CDK5RAP2: variants seen among roughly 807,000 people sequenced by gnomAD.
CDK5RAP2 encodes the protein CDK5 regulatory subunit associated protein 2.
In CDK5RAP2, 147 loss-of-function variants were observed where a neutral mutation model predicts 232.9. The observed-to-expected ratio is 0.63, with a 90% CI of 0.55 to 0.72. The LOEUF (loss-of-function observed/expected upper bound fraction) is 0.72. Among genes scored for constraint, CDK5RAP2 ranks in the 30% least tolerant of loss-of-function variants. CDK5RAP2 has a pLI of 0.00. For missense variants in CDK5RAP2, 2,195 were observed against 2,231.5 expected (o/e 0.98, Z 0.33); for synonymous variants, 833 against 833.7 (o/e 1.00, Z 0.01).
chr9:120,571,395 GCATT>G (rs967267309), intron 2 of CDK5RAP2, among the ~76,000 whole-genome samples: 91 of 152,314 alleles, frequency 6.0e-4, no homozygotes, highest in African/African-American at 1.9e-3. Context: ...AGACGCTTAA[GCATT>G]CACTTTTTTC....
chr9:120,502,440 T>C (rs572673300), intron 12 of CDK5RAP2, among the ~76,000 whole-genome samples: 1 of 152,224 alleles, frequency 6.6e-6, no homozygotes, highest in Non-Finnish European at 1.5e-5. Flanking sequence ...CTGGTTCAAG[T>C]TCCAGTGTAT....
chr9:120,566,311 C>A (rs772821868), intron 3 of CDK5RAP2, among the ~76,000 whole-genome samples: 3 of 152,150 alleles, frequency 2.0e-5, no homozygotes, highest in Non-Finnish European at 4.4e-5. Context: ...CATTTCAATT[C>A]CGGCTGCAGA....
At chr9:120,449,016 A>G (rs1489943360) in intron 21 of CDK5RAP2, among the ~76,000 whole-genome samples, 1 of 152,196 alleles carries the variant, frequency 6.6e-6, no homozygotes, top group Admixed American at 6.5e-5. Context: ...TCTTCTGCCT[A>G]AAACTATTTT....
chr9:120,532,591 G>C (rs1195240108), intron 7 of CDK5RAP2: 1 of 152,504 alleles, frequency 6.6e-6, no homozygotes, highest in Non-Finnish European at 1.5e-5. Flanking sequence ...TTCCTAGGCA[G>C]GCCTGCCTTC....
intron 24 of CDK5RAP2, among the ~76,000 whole-genome samples, chr9:120,437,906 T>C (rs2035679272): frequency 6.6e-6 from 1 of 152,134 alleles, no homozygotes; most frequent in African/African-American, 2.4e-5. Context: ...AAAGAAAGTG[T>C]ACCACAAAGA....
intron 14 of CDK5RAP2, among the ~76,000 whole-genome samples, chr9:120,487,076 T>C (rs1168790421): frequency 6.6e-6 from 1 of 152,212 alleles, no homozygotes; most frequent in Non-Finnish European, 1.5e-5. Context: ...TAACAAGCTA[T>C]GCTTTCTCAG....
intron 36 of CDK5RAP2, among the ~76,000 whole-genome samples, chr9:120,391,667 T>A (rs192542218): frequency 6.6e-6 from 1 of 152,306 alleles, no homozygotes. Flanking sequence ...AGGGTCCCAC[T>A]GGGATGCCTT....
chr9:120,516,065 A>G (rs1310995963), intron 12 of CDK5RAP2, among the ~76,000 whole-genome samples: 1 of 152,162 alleles, frequency 6.6e-6, no homozygotes, highest in Non-Finnish European at 1.5e-5. Context: ...ACACATGCAC[A>G]CGTATGTTTA....
intron 1 of CDK5RAP2, among the ~76,000 whole-genome samples, chr9:120,576,972 T>G (rs1279166754): frequency 6.6e-6 from 1 of 152,098 alleles, no homozygotes; most frequent in Non-Finnish European, 1.5e-5. Context: ...ACAACACGCA[T>G]GAACCTTGAG....
At chr9:120,530,477 G>A (rs1488649776) in intron 7 of CDK5RAP2, among the ~76,000 whole-genome samples, 3 of 152,164 alleles carry the variant, frequency 2.0e-5, no homozygotes, top group African/African-American at 7.2e-5. Flanking sequence ...CAAAAGATAT[G>A]TCACTGAAAC....
At chr9:120,533,929 T>C (rs570847279) in intron 7 of CDK5RAP2, among the ~76,000 whole-genome samples, 32 of 151,968 alleles carry the variant, frequency 2.1e-4, no homozygotes, top group African/African-American at 7.5e-4. Flanking sequence ...TCTAGCCTGT[T>C]CTCCTCCATT....
At chr9:120,471,064 A>C (rs558933468) in intron 16 of CDK5RAP2, among the ~76,000 whole-genome samples, 65 of 152,268 alleles carry the variant, frequency 4.3e-4, no homozygotes, top group African/African-American at 1.5e-3. Flanking sequence ...ACAGGTGAAA[A>C]GTTAGGTGCC....
At position 120,571,998 on chromosome 9, in the gene CDK5RAP2, G is replaced by T; in HGVS notation, c.103C>A (p.Pro35Thr). The change falls in exon 2 of 38, where the codon CCC (proline) becomes ACC (threonine). Residue 35 changes from proline (P) to threonine (T), a missense_variant. Transcript: ENST00000349780. ...SVPDDLDGIN[P>T]NAGLGNGLLP... Reference sequence around the variant, plus strand: ...CGACCATTTCCCAACCCAGCATTGGGGTTGATGCCATCCAGGTCATCTGGT... The same window carrying T: ...CGACCATTTCCCAACCCAGCATTGGTGTTGATGCCATCCAGGTCATCTGGT... 6.2e-7 allele frequency: 1 copy of T among 1,613,934 alleles called. No homozygotes were observed. Among genetic ancestry groups the T allele is most frequent in the Non-Finnish European group, 8.5e-7 (1 of 1,179,806 alleles).
At chr9:120,579,114 G>A (rs2043147566) in intron 1 of CDK5RAP2, among the ~76,000 whole-genome samples, 1 of 152,190 alleles carries the variant, frequency 6.6e-6, no homozygotes, top group Non-Finnish European at 1.5e-5. Flanking sequence ...AGCTCCACCA[G>A]CAATGGGGAC....
chr9:120,425,854 C>A (rs928740459), intron 25 of CDK5RAP2, among the ~76,000 whole-genome samples: 4 of 152,212 alleles, frequency 2.6e-5, no homozygotes, highest in African/African-American at 9.7e-5. Flanking sequence ...AATGAGGAGC[C>A]ACCCTATCCT....
At chr9:120,451,061 T>C (rs1300211071) in intron 21 of CDK5RAP2, among the ~76,000 whole-genome samples, 1 of 152,250 alleles carries the variant, frequency 6.6e-6, no homozygotes, top group East Asian at 1.9e-4. Context: ...GATCCAAATC[T>C]GTGTGTCATA....
chr9:120,464,999 G>A (rs1357110317), intron 18 of CDK5RAP2, among the ~76,000 whole-genome samples: 2 of 152,070 alleles, frequency 1.3e-5, no homozygotes, highest in African/African-American at 4.8e-5. Context: ...AGTCACATAA[G>A]GTCTATTTCT....
At chr9:120,489,019 T>G (rs1453879501) in intron 13 of CDK5RAP2, among the ~76,000 whole-genome samples, 1 of 152,216 alleles carries the variant, frequency 6.6e-6, no homozygotes, top group East Asian at 1.9e-4. Context: ...CTACGAGAGC[T>G]TCCAGCAAGA....
intron 25 of CDK5RAP2, among the ~76,000 whole-genome samples, chr9:120,433,034 T>C (rs925042498): frequency 6.6e-6 from 1 of 152,174 alleles, no homozygotes; most frequent in Non-Finnish European, 1.5e-5. Flanking sequence ...TCCTCAAAAG[T>C]CCTGGGAACC....
Sources: allele counts gnomAD v4.1 joint callset (sites outside exome capture counted in the v4.1 genomes callset), GRCh38; gene constraint gnomAD v4.1.1; transcripts MANE v1.5; gene names NCBI Gene and HGNC (gene_info 2026-07-23, HGNC 2026-07-21).